The following SCRG1 variants were observed in gnomAD, a reference collection of about 807,000 sequenced individuals.
SCRG1 encodes stimulator of chondrogenesis 1, also known as scrapie-responsive protein 1.
In SCRG1, 3 loss-of-function variants were observed where a neutral mutation model predicts 7.7. The observed-to-expected ratio is 0.39, with a 90% CI of 0.18 to 1.01. SCRG1 has a LOEUF of 1.01. SCRG1 is among the 50% of genes least tolerant of loss of function. The pLI, the probability that SCRG1 is intolerant of heterozygous loss-of-function variation, is 0.36. For synonymous variants in SCRG1, 46 were observed against 41.2 expected, an observed-to-expected ratio of 1.12 and a Z score of -0.44; for missense variants, 110 against 117.2, an observed-to-expected ratio of 0.94 and a Z score of 0.28.
the SCRG1 span, among the ~76,000 whole-genome samples, chr4:173,474,662 G>A: frequency 6.6e-6 from 1 of 152,156 alleles, no homozygotes; most frequent in East Asian, 1.9e-4. Flanking sequence ...GAGAAGTTAA[G>A]AGACTAGGCA....
At chr4:173,460,624 T>C in the SCRG1 span, among the ~76,000 whole-genome samples, 4 of 152,192 alleles carry the variant, frequency 2.6e-5, no homozygotes, top group East Asian at 7.7e-4. Flanking sequence ...ATTTATCACC[T>C]GCTAACTGAA....
chr4:173,425,222 T>C, the SCRG1 span, among the ~76,000 whole-genome samples: 1 of 152,196 alleles, frequency 6.6e-6, no homozygotes, highest in Non-Finnish European at 1.5e-5. Context: ...GAGTTACCAG[T>C]AAGTTGTCAA....
chr4:173,441,891 A>C, the SCRG1 span, among the ~76,000 whole-genome samples: 1 of 152,220 alleles, frequency 6.6e-6, no homozygotes, highest in Admixed American at 6.5e-5. Context: ...AATTTAAAAA[A>C]TAAAGTCTGC....
At chr4:173,431,160 AAAGAG>A in the SCRG1 span, among the ~76,000 whole-genome samples, 2 of 152,192 alleles carry the variant, frequency 1.3e-5, no homozygotes, top group Non-Finnish European at 2.9e-5. Flanking sequence ...TAAAATTGTT[AAAGAG>A]AAAAGGCAAA....
the SCRG1 span, among the ~76,000 whole-genome samples, chr4:173,462,693 CTT>C: frequency 6.6e-6 from 1 of 152,090 alleles, no homozygotes. Flanking sequence ...GTAAGCTACT[CTT>C]ATCTTAAGTA....
the SCRG1 span, among the ~76,000 whole-genome samples, chr4:173,454,093 A>G: frequency 6.6e-6 from 1 of 150,750 alleles, no homozygotes; most frequent in South Asian, 2.1e-4. Context: ...AAAAAAAAAA[A>G]GAACTGACCA....
the SCRG1 span, among the ~76,000 whole-genome samples, chr4:173,429,061 G>T: frequency 1.3e-5 from 2 of 152,250 alleles, no homozygotes; most frequent in Non-Finnish European, 2.9e-5. Context: ...ACATGATCTT[G>T]TAATGTTCCC....
chr4:173,482,040 T>C, the SCRG1 span, among the ~76,000 whole-genome samples: 6 of 152,188 alleles, frequency 3.9e-5, no homozygotes. Context: ...ATTTATATTT[T>C]ACTGTATACA....
the SCRG1 span, among the ~76,000 whole-genome samples, chr4:173,466,191 T>C: frequency 6.6e-6 from 1 of 152,170 alleles, no homozygotes; most frequent in Non-Finnish European, 1.5e-5. Flanking sequence ...TTTTATTTGG[T>C]ACATAAATTT....
chr4:173,497,697 G>A, the SCRG1 span, among the ~76,000 whole-genome samples: 7 of 138,540 alleles, frequency 5.1e-5, no homozygotes, highest in Non-Finnish European at 7.7e-5. Flanking sequence ...TTGAGACGGA[G>A]TCTCACTCTG....
At chr4:173,460,565 T>G in the SCRG1 span, among the ~76,000 whole-genome samples, 1 of 152,134 alleles carries the variant, frequency 6.6e-6, no homozygotes, top group Non-Finnish European at 1.5e-5. Flanking sequence ...CACACCCTGG[T>G]CCAGAAGGGA....
At chr4:173,469,938 C>T in the SCRG1 span, 1 of 151,896 alleles carries the variant, frequency 6.6e-6, no homozygotes, top group Non-Finnish European at 1.5e-5. Context: ...TGTAGATGAA[C>T]CATTTCTCTC....
At chr4:173,506,430 A>G in the SCRG1 span, among the ~76,000 whole-genome samples, 18 of 151,962 alleles carry the variant, frequency 1.2e-4, no homozygotes, top group African/African-American at 4.1e-4. This position sits in a 1 kb window ranked among gnomAD's most constrained non-coding sequence, Gnocchi z 5.3. Flanking sequence ...TCATGCCTGG[A>G]ACTTGTTTGG....
At chr4:173,427,049 C>T in the SCRG1 span, among the ~76,000 whole-genome samples, 1 of 152,206 alleles carries the variant, frequency 6.6e-6, no homozygotes, top group Non-Finnish European at 1.5e-5. Flanking sequence ...TCTTCATGAG[C>T]ATATAGACCC....
chr4:173,428,033 G>A, the SCRG1 span, among the ~76,000 whole-genome samples: 1 of 152,138 alleles, frequency 6.6e-6, no homozygotes, highest in African/African-American at 2.4e-5. Context: ...TTAGACACAA[G>A]AATCAATTAT....
the SCRG1 span, among the ~76,000 whole-genome samples, chr4:173,495,825 T>C: frequency 6.6e-6 from 1 of 152,190 alleles, no homozygotes; most frequent in Admixed American, 6.5e-5. Context: ...CAAAGACATA[T>C]TCCACTGCCT....
At chr4:173,432,638 G>C in the SCRG1 span, among the ~76,000 whole-genome samples, 1 of 152,146 alleles carries the variant, frequency 6.6e-6, no homozygotes, top group Admixed American at 6.6e-5. Context: ...TCTAGGTTTC[G>C]GTTCTGTCAG....
At chr4:173,485,946 G>A in the SCRG1 span, among the ~76,000 whole-genome samples, 4 of 152,186 alleles carry the variant, frequency 2.6e-5, no homozygotes, top group African/African-American at 9.6e-5. Flanking sequence ...CTCCAGCCTG[G>A]GCAACAGAAT....
At chr4:173,489,726 C>T in the SCRG1 span, among the ~76,000 whole-genome samples, 1 of 152,136 alleles carries the variant, frequency 6.6e-6, no homozygotes, top group Non-Finnish European at 1.5e-5. Context: ...TTAGATAAAA[C>T]ATACTTGAAA....
Sources: allele counts gnomAD v4.1 joint callset (sites outside exome capture counted in the v4.1 genomes callset), GRCh38; gene constraint gnomAD v4.1.1; non-coding constraint Gnocchi (gnomAD v3.1); transcripts MANE v1.5; gene names NCBI Gene and HGNC (gene_info 2026-07-23, HGNC 2026-07-21).